Variants in NAALADL2 observed in about 807,000 individuals in gnomAD.
The protein encoded by NAALADL2 is N-acetylated alpha-linked acidic dipeptidase like 2, also known as inactive N-acetylated-alpha-linked acidic dipeptidase-like protein 2.
In NAALADL2, 76 loss-of-function variants were observed where a neutral mutation model predicts 87.2. That is an observed-to-expected ratio of 0.87 (90% CI 0.72 to 1.05). The LOEUF is 1.05. NAALADL2 is among the 50% of genes least tolerant of loss of function. The pLI is 0.00. For missense variants in NAALADL2, 1,089 were observed against 945.8 expected (o/e 1.15, Z -1.99); for synonymous variants, 354 against 331.0 (o/e 1.07, Z -0.75).
At chr3:175,113,023 CT>C (rs1158864706) in intron 2 of NAALADL2, among the ~76,000 whole-genome samples, 3 of 151,494 alleles carry the variant, frequency 2.0e-5, no homozygotes, top group African/African-American at 7.3e-5. Flanking sequence ...GTGAGTGTGC[CT>C]TTTTTGACAA....
chr3:174,731,150 G>A (rs534121868), intron 2 of NAALADL2, among the ~76,000 whole-genome samples: 1 of 152,114 alleles, frequency 6.6e-6, no homozygotes, highest in African/African-American at 2.4e-5. Context: ...TTTGAGCTGG[G>A]GATATGCATG....
At position 175,574,965 on chromosome 3, in the gene NAALADL2, G is replaced by A. The variant is rs1582463987; in HGVS notation, c.1654-1076G>A. 5.3e-5 allele frequency among the ~76,000 whole-genome samples: 8 copies of A among 152,216 alleles called. No homozygotes were observed. The South Asian group carries it at 1.7e-3, about 32-fold the overall frequency. Reference sequence around the variant, plus strand: ...TGCTATTCTTCCACGTTTCATAGTTGATGCCATTGCATCTCAGAAATGTTC... The same window carrying A: ...TGCTATTCTTCCACGTTTCATAGTTAATGCCATTGCATCTCAGAAATGTTC... On this transcript the variant is annotated intron_variant, in intron 9 of 13. Transcript: ENST00000454872.
intron 1 of NAALADL2, among the ~76,000 whole-genome samples, chr3:174,878,985 G>A (rs1362508045): frequency 2.0e-5 from 3 of 151,956 alleles, no homozygotes; most frequent in Admixed American, 2.0e-4. Context: ...ATCTCAGTAC[G>A]CATATTTAGC....
intron 1 of NAALADL2, among the ~76,000 whole-genome samples, chr3:174,452,817 C>T (rs1715575005): frequency 6.6e-6 from 1 of 151,972 alleles, no homozygotes; most frequent in Non-Finnish European, 1.5e-5. Flanking sequence ...GGAACATCAG[C>T]CCACAAGGAT....
intron 12 of NAALADL2, among the ~76,000 whole-genome samples, chr3:175,751,132 T>G (rs530356008): frequency 3.0e-4 from 46 of 152,248 alleles, no homozygotes; most frequent in African/African-American, 1.1e-3. Context: ...ACTATAAAAA[T>G]TTATTAATGG....
chr3:175,357,094 A>G (rs1421298987), intron 5 of NAALADL2, among the ~76,000 whole-genome samples: 1 of 152,128 alleles, frequency 6.6e-6, no homozygotes, highest in Non-Finnish European at 1.5e-5. Context: ...TTAAAGTGCA[A>G]AATCATCCTT....
chr3:174,741,735 T>C (rs1412329626), intron 3 of NAALADL2, among the ~76,000 whole-genome samples: 1 of 151,746 alleles, frequency 6.6e-6, no homozygotes, highest in East Asian at 1.9e-4. Flanking sequence ...TTTTTGAAGA[T>C]CTTTGCATAT....
At chr3:174,530,288 A>G (rs1721123707) in intron 1 of NAALADL2, among the ~76,000 whole-genome samples, 1 of 152,152 alleles carries the variant, frequency 6.6e-6, no homozygotes, top group Non-Finnish European at 1.5e-5. Flanking sequence ...TCCAGTTCCC[A>G]ACAAGTTCCT....
chr3:175,369,637 A>C (rs1766196457), intron 5 of NAALADL2: 1 of 152,244 alleles, frequency 6.6e-6, no homozygotes. Context: ...GTGTGAGTGC[A>C]TGTGTGTGTA....
At chr3:174,963,902 G>A (rs188234953) in intron 1 of NAALADL2, among the ~76,000 whole-genome samples, 12 of 152,116 alleles carry the variant, frequency 7.9e-5, no homozygotes, top group Admixed American at 7.9e-4. Context: ...GAAGAAAGAA[G>A]ATAATCATTT....
chr3:175,680,632 T>C (rs1735459126), intron 11 of NAALADL2, among the ~76,000 whole-genome samples: 1 of 152,224 alleles, frequency 6.6e-6, no homozygotes, highest in African/African-American at 2.4e-5. Context: ...GATATACTCA[T>C]AGTACAGATA....
chr3:174,890,531 C>T (rs1490590219), intron 1 of NAALADL2, among the ~76,000 whole-genome samples: 2 of 151,998 alleles, frequency 1.3e-5, no homozygotes, highest in African/African-American at 2.4e-5. Context: ...ATAAGAAATA[C>T]AGACAGAACA....
chr3:175,220,007 T>C (rs1743116637), intron 2 of NAALADL2, among the ~76,000 whole-genome samples: 1 of 151,688 alleles, frequency 6.6e-6, no homozygotes, highest in South Asian at 2.1e-4. Flanking sequence ...GAAATAATCT[T>C]TCTTTTTTAA....
At chr3:175,208,642 A>G (rs1741309927) in intron 2 of NAALADL2, among the ~76,000 whole-genome samples, 1 of 152,130 alleles carries the variant, frequency 6.6e-6, no homozygotes, top group Non-Finnish European at 1.5e-5. Flanking sequence ...ACTTAGAGAG[A>G]CAACATTATA....
In NAALADL2 at chr3:175,086,279, T is replaced by C. The variant is rs1718888762; in HGVS notation, c.44-10511T>C. On this transcript the variant is annotated intron_variant, in intron 1 of 13. Coordinates refer to ENST00000454872, the MANE Select transcript of NAALADL2 (RefSeq NM_207015.3). ...GAAATGAACTTTTTATGGTCAGTTA[T>C]TTTATTATTTTAAAATGGATGCCTT... is the stretch of plus-strand genomic sequence containing the variant. Among the ~76,000 whole-genome samples the C allele has an allele frequency of 2.6e-5, 4 of 152,168 alleles. No homozygotes were observed. The South Asian group carries it at 8.3e-4, about 31-fold the overall frequency.
intron 2 of NAALADL2, among the ~76,000 whole-genome samples, chr3:175,138,036 C>G (rs1194616227): frequency 2.0e-5 from 3 of 152,170 alleles, no homozygotes; most frequent in Non-Finnish European, 4.4e-5. Context: ...ATTTTTCTCT[C>G]TCTTCAAAGG....
At chr3:174,787,598 T>TACATATATATATATATATACACAC in intron 3 of NAALADL2, among the ~76,000 whole-genome samples, 1 of 60,174 alleles carries the variant, frequency 1.7e-5, no homozygotes, top group Non-Finnish European at 3.5e-5. Flanking sequence ...TATATATATA[T>TACATATATATATATATATACACAC]ATATATATAT....
chr3:175,141,872 C>T (rs1410925510), intron 2 of NAALADL2, among the ~76,000 whole-genome samples: 2 of 152,092 alleles, frequency 1.3e-5, no homozygotes, highest in Non-Finnish European at 2.9e-5. Context: ...ATTTTAAGCG[C>T]TGGCAGAGTG....
chr3:174,662,398 C>T (rs1196958933), intron 2 of NAALADL2, among the ~76,000 whole-genome samples: 1 of 152,072 alleles, frequency 6.6e-6, no homozygotes, highest in African/African-American at 2.4e-5. Flanking sequence ...AACTTTTGAA[C>T]AACTTAATCA....
Sources: allele counts gnomAD v4.1 joint callset (sites outside exome capture counted in the v4.1 genomes callset), GRCh38; gene constraint gnomAD v4.1.1; transcripts MANE v1.5; gene names NCBI Gene and HGNC (gene_info 2026-07-23, HGNC 2026-07-21).